The following RBM39 variants were observed in gnomAD, a reference collection of about 807,000 sequenced individuals.
RBM39 encodes RNA binding motif protein 39, also known as RNA-binding protein 39.
A neutral mutation model predicts 79.6 loss-of-function variants in RBM39; 12 were observed. The observed-to-expected ratio is 0.15, with a 90% confidence interval of 0.10 to 0.24. The LOEUF (loss-of-function observed/expected upper bound fraction) is 0.24. RBM39 is among the 10% of genes least tolerant of loss of function. The pLI is 1.00. For synonymous variants in RBM39, 185 were observed against 208.4 expected (o/e 0.89, Z 0.97); for missense variants, 243 against 653.4 (o/e 0.37, Z 6.85).
At position 35,705,225 on chromosome 20, in the gene RBM39, C is replaced by A; in HGVS notation, c.1413G>T (p.Gln471His). 1 of 1,523,102 alleles carries A rather than the reference C, an allele frequency of 6.6e-7. No individual in the cohort carries two copies. The highest frequency in any genetic ancestry group is 2.3e-5 in the East Asian group (1 of 43,210). 94.3% of individuals were successfully genotyped at this position (1,523,102 alleles called of 1,614,324 possible). ...CATTTATAAAAAAAGATGAAAATAC[C>A]TGAGCTGAATTTTTGTCAACATAAA... ...IHIYVDKNSA[Q>H]GNVYVKCPSI... is the part of the protein sequence containing the mutation. The change falls in exon 15 of 17, where the codon CAG (glutamine) becomes CAT (histidine). Residue 471 changes from glutamine (Q) to histidine (H), a missense_variant and splice_region_variant. This residue lies in a region of RBM39 where 48 missense variants were observed against 130.2 expected (regional missense o/e 0.37). Coordinates refer to ENST00000253363, the MANE Select transcript of RBM39 (RefSeq NM_184234.3).
At chr20:35,710,645 AGC>A (rs1474393973) in intron 12 of RBM39, 1 of 152,222 alleles carries the variant, frequency 6.6e-6, no homozygotes, top group Non-Finnish European at 1.5e-5. Context: ...TTCACCCAAT[AGC>A]TTTAAAAGAC....
chr20:35,738,213 A>G (rs1214443999), intron 3 of RBM39, among the ~76,000 whole-genome samples: 1 of 152,078 alleles, frequency 6.6e-6, no homozygotes, highest in Non-Finnish European at 1.5e-5. Flanking sequence ...GGTTGCAGTG[A>G]GCCCAGACTG....
rs1336293949 is a variant in RBM39, at chr20:35,739,017, C to T, written c.52G>A (p.Asp18Asn). The T allele has an allele frequency of 6.2e-7, 1 of 1,612,122 alleles. No individual in the cohort carries two copies. Residue 18 changes from aspartate (D) to asparagine (N), a missense_variant and splice_region_variant, in exon 3 of 17, where the codon GAT becomes AAT. By Grantham distance (23) the Asp-to-Asn change is conservative. Transcript: ENST00000253363. ...EAMLEAPYKK[D>N]ENKLSSANGH... ...TTGGCACTGCTCAACTTGTTCTCAT[C>T]CTAAGCAGGGTTGATAGAAGAACAT...
chr20:35,721,719 C>T (rs1276306360), intron 9 of RBM39, 21 bp downstream of exon 9: 16 of 1,610,788 alleles, frequency 9.9e-6, no homozygotes, highest in Non-Finnish European at 1.4e-5. Context: ...ACTGAAGATT[C>T]ATTGAAGAAC....
intron 9 of RBM39, among the ~76,000 whole-genome samples, 194 bp downstream of exon 9, chr20:35,721,546 T>A (rs1316523185): frequency 6.6e-6 from 1 of 152,030 alleles, no homozygotes; most frequent in Non-Finnish European, 1.5e-5. Context: ...GCATTATGAA[T>A]AACAGTAACA....
At chr20:35,716,861 C>A (rs2425090) in intron 9 of RBM39, 56 bp from the exon 10 acceptor site, 170,713 of 1,169,864 alleles carry the variant, frequency 0.15, 13,591 homozygotes, top group African/African-American at 0.3. Flanking sequence ...AAACTACTTT[C>A]TTCCCTGAGA....
intron 10 of RBM39, among the ~76,000 whole-genome samples, chr20:35,714,867 A>G (rs2036905483): frequency 6.6e-6 from 1 of 152,244 alleles, no homozygotes; most frequent in Non-Finnish European, 1.5e-5. Context: ...TTACATATAT[A>G]TAAAATTTTG....
chr20:35,729,387 G>C (rs1292145078), intron 5 of RBM39, 22 bp from the exon 6 acceptor site: 7 of 1,604,394 alleles, frequency 4.4e-6, no homozygotes, highest in Admixed American at 1.8e-5. Flanking sequence ...AAAAGTTTCA[G>C]AAGTTATCCA....
chr20:35,739,884 C>T (rs1311777577), intron 2 of RBM39: 1 of 177,052 alleles, frequency 5.6e-6, no homozygotes, highest in Non-Finnish European at 1.2e-5. Context: ...AGTTTGATTA[C>T]ATCAGCTATA....
At chr20:35,713,289 C>T (rs1051904493) in intron 11 of RBM39, 193 bp from the exon 12 acceptor site, 3 of 470,862 alleles carry the variant, frequency 6.4e-6, no homozygotes, top group Admixed American at 3.8e-5. Context: ...GAGATCGAGA[C>T]CAACCTGGGC....
chr20:35,713,209 T>C (rs1332296984), intron 11 of RBM39, 113 bp from the exon 12 acceptor site: 19 of 850,448 alleles, frequency 2.2e-5, no homozygotes, highest in Non-Finnish European at 3.2e-5. Context: ...GAGGGCCGAG[T>C]GTGGTGGTTG....
At chr20:35,731,608 G>C in intron 4 of RBM39, 1 of 264,460 alleles carries the variant, frequency 3.8e-6, no homozygotes, top group East Asian at 7.8e-5. Flanking sequence ...CCAGACACTT[G>C]TTAAGCTTTC....
At chr20:35,724,264 G>A (rs1489029262) in intron 8 of RBM39, among the ~76,000 whole-genome samples, 1 of 151,784 alleles carries the variant, frequency 6.6e-6, no homozygotes, top group Non-Finnish European at 1.5e-5. Flanking sequence ...CCCAGGAGGT[G>A]GAGGTTGCAG....
chr20:35,725,904 T>C (rs1443914140), intron 6 of RBM39, among the ~76,000 whole-genome samples: 1 of 152,150 alleles, frequency 6.6e-6, no homozygotes, highest in East Asian at 1.9e-4. Context: ...TCTCAGGTGA[T>C]GTGCCCGCCT....
intron 14 of RBM39, among the ~76,000 whole-genome samples, chr20:35,706,219 T>A (rs983124086): frequency 1.3e-5 from 2 of 152,084 alleles, no homozygotes; most frequent in Middle Eastern, 3.2e-3. Flanking sequence ...GCACTTGTAA[T>A]CCCAGCTACT....
chr20:35,735,383 G>A (rs1170731064), intron 3 of RBM39, among the ~76,000 whole-genome samples: 1 of 152,082 alleles, frequency 6.6e-6, no homozygotes, highest in Non-Finnish European at 1.5e-5. Flanking sequence ...CAATAACTTT[G>A]TTCCTTTTAC....
chr20:35,725,021 A>T lies in RBM39; in HGVS notation c.534+17T>A, dbSNP rs202244498. 3.9e-6 allele frequency: 6 copies of T among 1,556,256 alleles called. No individual in the cohort carries two copies. The African/African-American group carries it at 6.8e-5, about 18-fold the overall frequency. On this transcript the variant is annotated intron_variant, in intron 7 of 16. Transcript: ENST00000253363. The stretch of plus-strand genomic sequence containing the variant: ...CAATTTCTACCTACTTGACCTCCCT[A>T]AACAGGTTAAGATTACCTTTCCTAC...
chr20:35,722,813 A>G (rs1600509314), intron 8 of RBM39, among the ~76,000 whole-genome samples: 2 of 151,996 alleles, frequency 1.3e-5, no homozygotes, highest in East Asian at 3.9e-4. Flanking sequence ...AGGCACCTGT[A>G]GTCTCAGCTA....
chr20:35,712,701 T>C (rs1311152469), intron 12 of RBM39, among the ~76,000 whole-genome samples: 1 of 152,140 alleles, frequency 6.6e-6, no homozygotes, highest in African/African-American at 2.4e-5. Context: ...TAAATTCTAA[T>C]ATTATAAATA....
Sources: gnomAD v4.1 joint callset for allele counts (sites outside exome capture counted in the v4.1 genomes callset) on GRCh38, gnomAD v4.1.1 for gene constraint, gnomAD v4.1.1 regional missense constraint, MANE v1.5 for transcripts, NCBI Gene and HGNC (gene_info 2026-07-23, HGNC 2026-07-21) for gene names.